Variants in CSMD1 observed in about 807,000 individuals in gnomAD.
The protein encoded by CSMD1 is CUB and sushi domain-containing protein 1.
In CSMD1, 213 loss-of-function variants were observed where a neutral mutation model predicts 417.5. The observed-to-expected ratio is 0.51, with a 90% CI of 0.46 to 0.57. The LOEUF (loss-of-function observed/expected upper bound fraction) is 0.57. Ranked by LOEUF, CSMD1 falls within the 20% of genes least tolerant of loss-of-function variation. The pLI, the probability that CSMD1 is intolerant of heterozygous loss-of-function variation, is 0.00. For missense variants in CSMD1, 6,923 were observed against 4,529.7 expected (o/e 1.53, Z -15.17); for synonymous variants, 2,862 against 1,736.8 (o/e 1.65, Z -16.11).
intron 52 of CSMD1, among the ~76,000 whole-genome samples, chr8:3,011,015 C>A (rs623232): frequency 0.015 from 2,265 of 152,212 alleles, 57 homozygotes; most frequent in African/African-American, 0.052. Flanking sequence ...CGTGAGCCAC[C>A]GCGCCCTGCC....
At chr8:3,711,760 T>C (rs1472245156) in intron 6 of CSMD1, among the ~76,000 whole-genome samples, 1 of 152,232 alleles carries the variant, frequency 6.6e-6, no homozygotes, top group African/African-American at 2.4e-5. Flanking sequence ...CCCCACTATC[T>C]TGTGCTGAAA....
intron 1 of CSMD1, among the ~76,000 whole-genome samples, chr8:4,667,378 T>C (rs532038105): frequency 2.6e-5 from 4 of 152,244 alleles, no homozygotes; most frequent in African/African-American, 9.6e-5. Flanking sequence ...GAATTTGTCC[T>C]TTTCTTCAAA....
intron 1 of CSMD1, among the ~76,000 whole-genome samples, chr8:4,880,356 G>C (rs150196529): frequency 3.3e-5 from 5 of 152,158 alleles, no homozygotes; most frequent in African/African-American, 7.2e-5. Context: ...AAATTTACTT[G>C]ACGTCTGAAC....
chr8:4,668,140 G>C lies in CSMD1; in HGVS notation c.86-30582C>G, dbSNP rs923424101. Among the ~76,000 whole-genome samples the C allele has an allele frequency of 2.6e-5, 4 of 152,158 alleles. 1 individual carries two copies. The highest frequency in any genetic ancestry group is 4.1e-4 in the South Asian group (2 of 4,820). ...TATTGCCTCGTATCAAACTCAATGAGTTTTCTGAAGTTTAATCAACTGCAC... is the reference window on the plus strand; with the variant it reads ...TATTGCCTCGTATCAAACTCAATGACTTTTCTGAAGTTTAATCAACTGCAC... On this transcript the variant is annotated intron_variant, in intron 1 of 69. Transcript: ENST00000635120.
intron 2 of CSMD1, among the ~76,000 whole-genome samples, chr8:4,608,462 G>A (rs898691241): frequency 6.6e-6 from 1 of 152,220 alleles, no homozygotes; most frequent in Non-Finnish European, 1.5e-5. Flanking sequence ...GAACGTGGAG[G>A]AGGAGAGACA....
At chr8:4,642,346 C>A (rs1803244837) in intron 1 of CSMD1, among the ~76,000 whole-genome samples, 1 of 152,202 alleles carries the variant, frequency 6.6e-6, no homozygotes, top group Non-Finnish European at 1.5e-5. Context: ...CCTGTGCCCT[C>A]ATCATTTCTG....
At chr8:3,534,708 C>G (rs945751431) in intron 10 of CSMD1, among the ~76,000 whole-genome samples, 3 of 152,088 alleles carry the variant, frequency 2.0e-5, no homozygotes, top group South Asian at 2.1e-4. Flanking sequence ...TCTTCTAGTC[C>G]CAGAGCCTTT....
chr8:3,384,670 T>TATTTATATATAAATATATATTTATATA (rs1810860347), intron 18 of CSMD1, among the ~76,000 whole-genome samples: 1 of 133,006 alleles, frequency 7.5e-6, no homozygotes, highest in Non-Finnish European at 1.5e-5. Context: ...ATATAGATGC[T>TATTTATATATAAATATATATTTATATA]ATTTATATAT....
At chr8:3,378,325 G>T (rs1026779127) in intron 18 of CSMD1, among the ~76,000 whole-genome samples, 1 of 152,162 alleles carries the variant, frequency 6.6e-6, no homozygotes, top group Non-Finnish European at 1.5e-5. Context: ...GAAGTACAAA[G>T]AGGAGCTGGT....
intron 3 of CSMD1, among the ~76,000 whole-genome samples, chr8:4,285,315 G>A (rs1797002797): frequency 6.6e-6 from 1 of 152,130 alleles, no homozygotes; most frequent in Admixed American, 6.5e-5. Flanking sequence ...GAAGCCATGT[G>A]CAGTCCTTTA....
chr8:3,160,276 C>T (rs539102697), intron 38 of CSMD1, among the ~76,000 whole-genome samples: 2 of 152,270 alleles, frequency 1.3e-5, no homozygotes, highest in East Asian at 3.9e-4. Flanking sequence ...GAATGCGCCG[C>T]CATGCCCAGC....
chr8:4,321,786 T>C (rs939863599), intron 3 of CSMD1, among the ~76,000 whole-genome samples: 4 of 152,168 alleles, frequency 2.6e-5, no homozygotes, highest in African/African-American at 7.2e-5. Flanking sequence ...TTACAATTTT[T>C]TTTCTAAATT....
chr8:4,514,856 C>T (rs1287700176), intron 2 of CSMD1, among the ~76,000 whole-genome samples: 1 of 152,104 alleles, frequency 6.6e-6, no homozygotes, highest in Admixed American at 6.5e-5. Flanking sequence ...GAAAGTCTAC[C>T]TCCTCCCCAA....
intron 5 of CSMD1, among the ~76,000 whole-genome samples, chr8:3,948,072 G>T (rs1417693485): frequency 6.6e-6 from 1 of 152,098 alleles, no homozygotes; most frequent in South Asian, 2.1e-4. Flanking sequence ...TGGGCATGGT[G>T]GCAAGTGCCT....
intron 2 of CSMD1, among the ~76,000 whole-genome samples, chr8:4,564,696 A>G (rs895470732): frequency 1.3e-5 from 2 of 152,248 alleles, no homozygotes; most frequent in Admixed American, 6.5e-5. Context: ...TAAGCTAACA[A>G]TGAATGCATA....
At chr8:4,724,988 G>T (rs1323385230) in intron 1 of CSMD1, among the ~76,000 whole-genome samples, 1 of 152,070 alleles carries the variant, frequency 6.6e-6, no homozygotes, top group African/African-American at 2.4e-5. Flanking sequence ...TAACATTTTG[G>T]TTGAGGGAAA....
intron 5 of CSMD1, among the ~76,000 whole-genome samples, chr8:3,991,111 G>A (rs189671527): frequency 7.9e-5 from 12 of 152,314 alleles, no homozygotes; most frequent in African/African-American, 2.4e-4. Context: ...GCCACGAGCC[G>A]AGAGAAAAGG....
chr8:3,693,948 T>C (rs574670162), intron 7 of CSMD1, among the ~76,000 whole-genome samples: 83 of 150,070 alleles, frequency 5.5e-4, no homozygotes, highest in South Asian at 3.2e-3. Context: ...CGTCGTGTGT[T>C]GGATATAGGG....
intron 1 of CSMD1, among the ~76,000 whole-genome samples, chr8:4,814,131 G>A (rs901526217): frequency 1.3e-5 from 2 of 152,066 alleles, no homozygotes; most frequent in Admixed American, 1.3e-4. Context: ...CCTATTTCTT[G>A]GAATATATAA....
Sources: allele counts gnomAD v4.1 joint callset (sites outside exome capture counted in the v4.1 genomes callset), GRCh38; gene constraint gnomAD v4.1.1; transcripts MANE v1.5; gene names NCBI Gene and HGNC (gene_info 2026-07-23, HGNC 2026-07-21).